CIBAR2: variants seen among roughly 807,000 people sequenced by gnomAD.
CIBAR2 encodes the protein CBY1-interacting BAR domain-containing protein 2.
CIBAR2 carries 38 observed loss-of-function variants against 36.2 expected under a neutral mutation model. That is an observed-to-expected ratio of 1.05 (90% CI 0.81 to 1.38). The LOEUF (loss-of-function observed/expected upper bound fraction) is 1.38. Among genes scored for constraint, CIBAR2 ranks in the 40% most tolerant of loss-of-function variants. The pLI is 0.00. For synonymous variants in CIBAR2, 182 were observed against 149.5 expected (o/e 1.22, Z -1.58); for missense variants, 481 against 383.4 (o/e 1.25, Z -2.13).
At chr16:85,102,459 C>G (rs1426714138) in intron 6 of CIBAR2, 132 bp from the exon 7 acceptor site, 1 of 630,122 alleles carries the variant, frequency 1.6e-6, no homozygotes, top group Non-Finnish European at 2.8e-6. Flanking sequence ...TGGGGAGTTT[C>G]GACATGTTAT....
intron 5 of CIBAR2, 29 bp from the exon 6 acceptor site, chr16:85,105,460 G>A (rs1406010944): frequency 6.5e-7 from 1 of 1,542,264 alleles, no homozygotes; most frequent in South Asian, 1.1e-5. Context: ...GACGTAGAAA[G>A]TGTCATGGGG....
At chr16:85,105,261 CACACGTGCA>C in intron 6 of CIBAR2, 57 bp downstream of exon 6, 1 of 920,330 alleles carries the variant, frequency 1.1e-6, no homozygotes, top group Non-Finnish European at 1.8e-6. Context: ...GACACGTGTA[CACACGTGCA>C]TGCACACACA....
chr16:85,108,150 C>T lies in CIBAR2; in HGVS notation c.256-51G>A, dbSNP rs775314801. 3.9e-6 allele frequency: 6 copies of T among 1,525,402 alleles called. No homozygotes were observed. In the Admixed American group the frequency reaches 9.6e-5, roughly 24 times the overall value. The allele number at this position is 1,525,402 out of a possible 1,614,324, so 94.5% of individuals were successfully genotyped here. A position where few individuals can be genotyped will look rare whatever the true frequency, so the allele number is the denominator to read the frequency against. ...TCTGAGCGCAGGGTGCTGCCTGCCT[C>T]CAGCCTGGGCATATAAAGCAGAGCC... On this transcript the variant is annotated intron_variant, in intron 2 of 8. Coordinates refer to ENST00000539556, the MANE Select transcript of CIBAR2 (RefSeq NM_198491.3).
chr16:85,107,942 C>T lies in CIBAR2; in HGVS notation c.330G>A (p.Glu110=). 1 of 1,614,114 alleles carries T rather than the reference C, an allele frequency of 6.2e-7. No homozygotes were observed. Among genetic ancestry groups the T allele is most frequent in the South Asian group, 1.1e-5 (1 of 91,086 alleles). Residue 110 remains glutamate, a synonymous_variant, in exon 4 of 9, where the codon GAG becomes GAA. Coordinates refer to ENST00000539556, the MANE Select transcript of CIBAR2 (RefSeq NM_198491.3). ...TTTGGACATGTTTGAATTTCTTGATCTCAGCCTGCAGAAAAGGAGGAGGGT... is the reference window on the plus strand; with the variant it reads ...TTTGGACATGTTTGAATTTCTTGATTTCAGCCTGCAGAAAAGGAGGAGGGT... ...YGAQIKQTRA[E]IKKFKHVQNH...
At position 85,102,202 on chromosome 16, in the gene CIBAR2, T is replaced by G; in HGVS notation, c.651+12A>C. ...ACTCCACCATATAGGAAACGGGGTGTCTGTGACTCACCAGTAGATCCCTCT... is the reference window on the plus strand; with the variant it reads ...ACTCCACCATATAGGAAACGGGGTGGCTGTGACTCACCAGTAGATCCCTCT... On this transcript the variant is annotated intron_variant, in intron 7 of 8. Coordinates refer to ENST00000539556, the MANE Select transcript of CIBAR2 (RefSeq NM_198491.3). The G allele has an allele frequency of 6.9e-7, 1 of 1,457,178 alleles. No homozygotes were observed. The allele number at this position is 1,457,178 out of a possible 1,614,324, so 90.3% of individuals were successfully genotyped here.
At chr16:85,101,618 A>G (rs930262365) in intron 7 of CIBAR2, among the ~76,000 whole-genome samples, 4 of 152,134 alleles carry the variant, frequency 2.6e-5, no homozygotes, top group Non-Finnish European at 5.9e-5. Context: ...AAACTACATC[A>G]AGCATCAGCC....
intron 6 of CIBAR2, among the ~76,000 whole-genome samples, chr16:85,104,363 G>T (rs998777302): frequency 6.6e-6 from 1 of 152,208 alleles, no homozygotes. Flanking sequence ...AGAACAAGGG[G>T]AGCCACCAGA....
intron 7 of CIBAR2, among the ~76,000 whole-genome samples, chr16:85,100,835 C>G (rs971185158): frequency 1.3e-5 from 2 of 152,182 alleles, no homozygotes; most frequent in South Asian, 2.1e-4. Context: ...ATCATGAGGT[C>G]AGGAGATCAA....
At chr16:85,108,709 C>T (rs1456298112) in intron 2 of CIBAR2, among the ~76,000 whole-genome samples, 2 of 151,924 alleles carry the variant, frequency 1.3e-5, no homozygotes, top group African/African-American at 4.8e-5. Flanking sequence ...CCCGTCTCTA[C>T]TAAAAATACA....
chr16:85,102,143 C>T, intron 7 of CIBAR2, 71 bp downstream of exon 7: 4 of 838,750 alleles, frequency 4.8e-6, no homozygotes, highest in Non-Finnish European at 8.0e-6. Flanking sequence ...AAAACGACTT[C>T]TATCAAGACA....
chr16:85,099,423 C>A (rs1415808089), intron 8 of CIBAR2, 77 bp from the exon 9 acceptor site: 1 of 830,370 alleles, frequency 1.2e-6, no homozygotes, highest in Non-Finnish European at 2.0e-6. Context: ...TACCTAATCA[C>A]CTCCCTAACC....
rs1467878312 is a variant in CIBAR2, at chr16:85,098,710, C to T, written c.*475G>A. 1.2e-6 allele frequency: 1 copy of T among 834,768 alleles called. No individual in the cohort carries two copies. Among genetic ancestry groups the T allele is most frequent in the Non-Finnish European group, 1.4e-6 (1 of 692,236 alleles). The allele number at this position is 834,768 out of a possible 1,614,324, so 51.7% of individuals were successfully genotyped here. A position where few individuals can be genotyped will look rare whatever the true frequency, so the allele number is the denominator to read the frequency against. On this transcript the variant is annotated 3_prime_UTR_variant, in exon 9 of 9. Transcript: ENST00000539556. Reference sequence around the variant, plus strand: ...AATAATAATAATAATAAAACGACAGCAACATCAGTAATGATAATGGCAGCA... The same window carrying T: ...AATAATAATAATAATAAAACGACAGTAACATCAGTAATGATAATGGCAGCA...
chr16:85,108,090 G>A lies in CIBAR2; in HGVS notation c.265C>T (p.Leu89=). The A allele has an allele frequency of 6.2e-7, 1 of 1,611,652 alleles. No homozygotes were observed. The highest frequency in any genetic ancestry group is 8.5e-7 in the Non-Finnish European group (1 of 1,178,578). ...QDYRQAQVER[L]ETKVVNPLKL... ...AGGGGGTTGACCACCTTGGTCTCCA[G>A]CCTCTCGACCTGGGGGAGCGGGGAC... The change falls in exon 3 of 9, where the codon CTG becomes TTG. Residue 89 remains leucine (L), a synonymous_variant. Coordinates refer to ENST00000539556, the MANE Select transcript of CIBAR2 (RefSeq NM_198491.3).
intron 7 of CIBAR2, among the ~76,000 whole-genome samples, chr16:85,101,328 C>T (rs2073953801): frequency 6.6e-6 from 1 of 152,158 alleles, no homozygotes; most frequent in Admixed American, 6.5e-5. Context: ...ATCTCGTGGC[C>T]TGTCCTGTGC....
rs746973381 is a variant in CIBAR2 at position 85,110,704 on chromosome 16, C to CTTTTTTTTTTT, written c.21-255_21-245dup. On this transcript the variant is annotated intron_variant, in intron 1 of 8. Coordinates refer to ENST00000539556, the MANE Select transcript of CIBAR2 (RefSeq NM_198491.3). The stretch of plus-strand genomic sequence containing the variant: ...ATGCGGGCTTGGCTGCAGACCTGGC[C>CTTTTTTTTTTT]TTTTTTTTTTTTTTTTTGGAGACAG... Among the ~76,000 whole-genome samples, 9 of 93,884 alleles carry CTTTTTTTTTTT rather than the reference C, an allele frequency of 9.6e-5. 2 individuals are homozygous for CTTTTTTTTTTT. The highest frequency in any genetic ancestry group is 4.4e-4 in the African/African-American group (9 of 20,322). The allele number at this position is 93,884 out of a possible 152,430, so 61.6% of individuals were successfully genotyped here. A position where few individuals can be genotyped will look rare whatever the true frequency, so the allele number is the denominator to read the frequency against.
At chr16:85,110,162 C>T in intron 2 of CIBAR2, 64 bp downstream of exon 2, 2 of 1,317,226 alleles carry the variant, frequency 1.5e-6, no homozygotes, top group Non-Finnish European at 2.1e-6. Context: ...AGCCCTCAGG[C>T]CTGACCTTGG....
At position 85,110,397 on chromosome 16, in the gene CIBAR2, G is replaced by A. The variant is rs765362750; in HGVS notation, c.84C>T (p.Phe28=). Residue 28 remains phenylalanine (F), a synonymous_variant, in exon 2 of 9, where the codon TTC becomes TTT. Coordinates refer to ENST00000539556, the MANE Select transcript of CIBAR2 (RefSeq NM_198491.3). ...GCGTGTAGGCGGCCAGCAGCGAGCA[G>A]AACTGCCCAAAGTACTTCTCGGTGT... The part of the protein sequence containing the change: ...VANTEKYFGQ[F]CSLLAAYTRK... The A allele has an allele frequency of 6.2e-7, 1 of 1,613,522 alleles. No individual in the cohort carries two copies. The highest frequency in any genetic ancestry group is 8.5e-7 in the Non-Finnish European group (1 of 1,179,814).
At chr16:85,108,753 A>G (rs2074017743) in intron 2 of CIBAR2, among the ~76,000 whole-genome samples, 1 of 152,164 alleles carries the variant, frequency 6.6e-6, no homozygotes, top group Non-Finnish European at 1.5e-5. Context: ...GCATGCCTCT[A>G]GTCCCAGCTG....
chr16:85,104,632 C>G (rs949792635), intron 6 of CIBAR2, among the ~76,000 whole-genome samples: 1 of 152,172 alleles, frequency 6.6e-6, no homozygotes, highest in Non-Finnish European at 1.5e-5. Flanking sequence ...AGGAGAATCA[C>G]TTAAACCCGG....
Sources: allele counts gnomAD v4.1 joint callset (sites outside exome capture counted in the v4.1 genomes callset), GRCh38; gene constraint gnomAD v4.1.1; transcripts MANE v1.5; gene names NCBI Gene and HGNC (gene_info 2026-07-23, HGNC 2026-07-21).